The following SECISBP2L variants were observed in gnomAD, a reference collection of about 807,000 sequenced individuals.
SECISBP2L encodes selenocysteine insertion sequence-binding protein 2-like.
A neutral mutation model predicts 114.7 loss-of-function variants in SECISBP2L; 43 were observed. The observed-to-expected ratio is 0.38, with a 90% CI of 0.29 to 0.48. The LOEUF is 0.48. Ranked by LOEUF, SECISBP2L falls within the 20% of genes least tolerant of loss-of-function variation. The probability of loss-of-function intolerance (pLI) is 0.98; values close to 1 mark genes in which losing one functional copy is unlikely to be tolerated. For synonymous variants in SECISBP2L, 451 were observed against 439.7 expected (o/e 1.03, Z -0.32); for missense variants, 1,136 against 1,301.1 (o/e 0.87, Z 1.95).
At chr15:49,017,942 A>G (rs1252576964) in intron 8 of SECISBP2L, 2 of 232,292 alleles carry the variant, frequency 8.6e-6, no homozygotes, top group Admixed American at 1.1e-4. Context: ...TATCACATTC[A>G]GATAATTTGA....
At chr15:49,014,429 G>A (rs757565290) in intron 11 of SECISBP2L, among the ~76,000 whole-genome samples, 1 of 152,088 alleles carries the variant, frequency 6.6e-6, no homozygotes, top group Non-Finnish European at 1.5e-5. Flanking sequence ...TCACTGACTT[G>A]TAACCTAAAC....
intron 14 of SECISBP2L, among the ~76,000 whole-genome samples, chr15:49,008,549 G>A (rs1902368948): frequency 1.3e-5 from 2 of 152,088 alleles, no homozygotes; most frequent in East Asian, 3.9e-4. Flanking sequence ...GGAAGTATTT[G>A]CTCAAAAACA....
At chr15:49,012,548 C>A in intron 12 of SECISBP2L, 100 bp downstream of exon 12, 1 of 1,243,168 alleles carries the variant, frequency 8.0e-7, no homozygotes, top group Non-Finnish European at 1.1e-6. Context: ...ATACTTCTCA[C>A]AACAATCTGT....
intron 7 of SECISBP2L, among the ~76,000 whole-genome samples, chr15:49,024,599 G>T (rs930257940): frequency 2.6e-5 from 4 of 151,318 alleles, no homozygotes; most frequent in Admixed American, 1.3e-4. Context: ...TGAAAATTTT[G>T]TTTTACCATG....
chr15:49,017,568 G>A lies in SECISBP2L; in HGVS notation c.1231C>T (p.Gln411Ter), dbSNP rs374922366. The change falls in exon 9 of 18, where the codon CAA becomes TAA. Residue 411 changes from glutamine (Q) to a stop codon, truncating the protein, a stop_gained. Transcript: ENST00000559471. LOFTEE classifies it high-confidence loss of function. ...NGNAKDENIQ[Q>*]KLSSKVLDDL... ...CTTACTACTTTAGAAGAAAGTTTTT[G>A]TTGAATATTCTCATCCTTAGCATTT... is the stretch of plus-strand genomic sequence containing the variant. 6.2e-7 allele frequency: 1 copy of A among 1,602,010 alleles called. No homozygotes were observed. The highest frequency in any genetic ancestry group is 8.5e-7 in the Non-Finnish European group (1 of 1,174,316).
chr15:49,000,070 A>G (rs1902171047), intron 15 of SECISBP2L, 83 bp from the exon 16 acceptor site: 3 of 1,438,120 alleles, frequency 2.1e-6, no homozygotes, highest in Non-Finnish European at 2.9e-6. Context: ...AGCATAAAAC[A>G]TCGCAGCAAA....
At chr15:49,021,217 G>A (rs1435678806) in intron 7 of SECISBP2L, among the ~76,000 whole-genome samples, 2 of 152,058 alleles carry the variant, frequency 1.3e-5, no homozygotes, top group South Asian at 2.1e-4. Context: ...ACCAGACATC[G>A]AATTTGCCAG....
intron 3 of SECISBP2L, among the ~76,000 whole-genome samples, chr15:49,034,368 TTAAC>T (rs1253745674): frequency 6.6e-6 from 1 of 152,076 alleles, no homozygotes; most frequent in Non-Finnish European, 1.5e-5. Flanking sequence ...AGTTAAAAAG[TTAAC>T]TAAAATTAAA....
Position 49,011,818 on chromosome 15 carries a change from C to T in SECISBP2L, c.1777G>A (p.Asp593Asn), listed in dbSNP as rs1172698705. 5 of 1,614,052 alleles carry T rather than the reference C, an allele frequency of 3.1e-6. No individual in the cohort carries two copies. Among genetic ancestry groups the T allele is most frequent in the Admixed American group, 1.7e-5 (1 of 60,016 alleles). Residue 593 changes from aspartate (D) to asparagine (N), a missense_variant, in exon 13 of 18, where the codon GAC becomes AAC. Physicochemically the swap from Asp to Asn is conservative, Grantham distance 23. Coordinates refer to ENST00000559471, the MANE Select transcript of SECISBP2L (RefSeq NM_001193489.2). Reference sequence around the variant, plus strand: ...TCCTCGGATCCCAAAAGATTGTGGTCCACAGTTAAGCGCCCCTTCTTTTCC... The same window carrying T: ...TCCTCGGATCCCAAAAGATTGTGGTTCACAGTTAAGCGCCCCTTCTTTTCC... Reference protein sequence around the residue: ...REEKKGRLTVDHNLLGSEEPT... With the variant: ...REEKKGRLTVNHNLLGSEEPT...
intron 7 of SECISBP2L, among the ~76,000 whole-genome samples, chr15:49,026,279 T>C (rs1021852703): frequency 2.0e-5 from 3 of 152,148 alleles, no homozygotes; most frequent in Admixed American, 6.5e-5. Flanking sequence ...TACAGTTACA[T>C]AGAGGGAATA....
At chr15:48,997,088 A>C (rs773209224) in intron 16 of SECISBP2L, among the ~76,000 whole-genome samples, 2 of 152,250 alleles carry the variant, frequency 1.3e-5, no homozygotes, top group Admixed American at 6.5e-5. Context: ...AGGGAAGATG[A>C]CATCAGCATT....
intron 1 of SECISBP2L, among the ~76,000 whole-genome samples, chr15:49,045,659 G>A (rs1354407336): frequency 1.3e-5 from 2 of 152,040 alleles, no homozygotes; most frequent in Admixed American, 1.3e-4. Flanking sequence ...ATAAGCTTAT[G>A]CTTTACACCC....
chr15:49,018,768 C>A (rs147715853), intron 8 of SECISBP2L, among the ~76,000 whole-genome samples: 1 of 152,282 alleles, frequency 6.6e-6, no homozygotes, highest in Non-Finnish European at 1.5e-5. Flanking sequence ...TACCCTGCCA[C>A]AAACCCAAAG....
chr15:48,991,903 C>A lies in SECISBP2L; in HGVS notation c.*341G>T. 5.8e-6 allele frequency: 1 copy of A among 173,516 alleles called. No individual in the cohort carries two copies. Among genetic ancestry groups the A allele is most frequent in the Non-Finnish European group, 1.2e-5 (1 of 81,526 alleles). 10.7% of individuals were successfully genotyped at this position (173,516 alleles called of 1,614,324 possible). A position where few individuals can be genotyped will look rare whatever the true frequency, so the allele number is the denominator to read the frequency against. On this transcript the variant is annotated 3_prime_UTR_variant, in exon 18 of 18. Transcript: ENST00000559471. ...GGAGTCCTGAAGCAAACACTGATAA[C>A]TGCTTCTATCCTTAGAACCTTGTTC...
chr15:49,010,166 G>T (rs897628990), intron 13 of SECISBP2L, among the ~76,000 whole-genome samples: 1 of 54,242 alleles, frequency 1.8e-5, no homozygotes, highest in Non-Finnish European at 4.5e-5. Flanking sequence ...CCTCTTGCCA[G>T]ATCACATTAC....
chr15:49,031,719 G>A (rs1238982877), intron 4 of SECISBP2L, among the ~76,000 whole-genome samples: 1 of 151,994 alleles, frequency 6.6e-6, no homozygotes, highest in Non-Finnish European at 1.5e-5. Context: ...AATACTAATA[G>A]GATGTATAAT....
At chr15:49,045,176 C>CT (rs959569645) in intron 1 of SECISBP2L, among the ~76,000 whole-genome samples, 94 of 151,424 alleles carry the variant, frequency 6.2e-4, no homozygotes, top group South Asian at 2.7e-3. Flanking sequence ...TCACATAAAG[C>CT]TTTTTTTTAA....
chr15:48,999,132 C>A (rs1902153173), intron 16 of SECISBP2L, among the ~76,000 whole-genome samples: 1 of 152,088 alleles, frequency 6.6e-6, no homozygotes, highest in South Asian at 2.1e-4. Flanking sequence ...GGGAAAGAAA[C>A]AGAATGGACA....
In SECISBP2L at chr15:49,023,170, T is replaced by C. The variant is rs111702230; in HGVS notation, c.1036-3618A>G. Among the ~76,000 whole-genome samples the C allele has an allele frequency of 3.2e-3, 489 of 152,280 alleles. 1 individual carries two copies. Among genetic ancestry groups the C allele is most frequent in the African/African-American group, 0.011 (465 of 41,582 alleles). ...GAAAACCTAGCAAAATATTTGCAAC[T>C]TGTATTACATATTAAATACTCCAAG... On this transcript the variant is annotated intron_variant, in intron 7 of 17. Coordinates refer to ENST00000559471, the MANE Select transcript of SECISBP2L (RefSeq NM_001193489.2).
Sources: gnomAD v4.1 joint callset for allele counts (sites outside exome capture counted in the v4.1 genomes callset) on GRCh38, gnomAD v4.1.1 for gene constraint, MANE v1.5 for transcripts, NCBI Gene and HGNC (gene_info 2026-07-23, HGNC 2026-07-21) for gene names.